The following SOX5 variants were observed in gnomAD, a reference collection of about 807,000 sequenced individuals.
The protein encoded by SOX5 is transcription factor SOX-5.
A neutral mutation model predicts 92.0 loss-of-function variants in SOX5; 9 were observed. That is an observed-to-expected ratio of 0.10 (90% CI 0.06 to 0.17). The LOEUF is 0.17. SOX5 is among the 10% of genes least tolerant of loss of function. The probability of loss-of-function intolerance (pLI) is 1.00; values close to 1 mark genes in which losing one functional copy is unlikely to be tolerated. For missense variants in SOX5, 642 were observed against 944.5 expected, an observed-to-expected ratio of 0.68 and a Z score of 4.20; for synonymous variants, 344 against 336.3, an observed-to-expected ratio of 1.02 and a Z score of -0.25.
At chr12:24,216,485 GA>G (rs535576876) in intron 3 of SOX5, among the ~76,000 whole-genome samples, 5 of 148,966 alleles carry the variant, frequency 3.4e-5, no homozygotes, top group Admixed American at 6.7e-5. Flanking sequence ...CTCCGCCTCG[GA>G]AAAAAAAAAT....
At chr12:23,634,244 C>G (rs369861693) in intron 8 of SOX5, among the ~76,000 whole-genome samples, 1 of 151,804 alleles carries the variant, frequency 6.6e-6, no homozygotes, top group African/African-American at 2.4e-5. Flanking sequence ...CCTTGTGGGG[C>G]GGTACATTTG....
upstream of SOX5, among the ~76,000 whole-genome samples, chr12:23,952,864 G>A (rs1447679565): frequency 6.6e-6 from 1 of 152,020 alleles, no homozygotes; most frequent in Non-Finnish European, 1.5e-5. Context: ...TCATTCAACT[G>A]GTTAGTAGCC....
At chr12:23,846,271 A>G (rs1465556313) in intron 2 of SOX5, 78 bp from the exon 3 acceptor site, 1 of 1,137,956 alleles carries the variant, frequency 8.8e-7, no homozygotes, top group African/African-American at 1.5e-5. Flanking sequence ...TTTACCTGAA[A>G]GAGAAAGCAA....
intron 6 of SOX5, among the ~76,000 whole-genome samples, chr12:23,696,881 T>C (rs773863148): frequency 4.6e-5 from 7 of 152,208 alleles, no homozygotes; most frequent in Non-Finnish European, 8.8e-5. Context: ...TTATTTAGTT[T>C]CCAAATAAAC....
chr12:23,823,077 A>C (rs552862298), intron 3 of SOX5, among the ~76,000 whole-genome samples: 54 of 152,266 alleles, frequency 3.5e-4, no homozygotes, highest in African/African-American at 1.2e-3. Flanking sequence ...CCAATTTGCC[A>C]GTCTGTGCCT....
intron 4 of SOX5, among the ~76,000 whole-genome samples, chr12:24,091,826 A>G (rs1944692071): frequency 6.6e-6 from 1 of 151,876 alleles, no homozygotes; most frequent in Non-Finnish European, 1.5e-5. Flanking sequence ...TTTTCTAACT[A>G]TTCTCTTCCA....
At chr12:23,661,024 G>C (rs933445931) in intron 7 of SOX5, among the ~76,000 whole-genome samples, 1 of 152,026 alleles carries the variant, frequency 6.6e-6, no homozygotes, top group African/African-American at 2.4e-5. Context: ...AAATGTTCTT[G>C]GTAAATATTC....
chr12:24,333,588 A>T (rs1016078922), intron 2 of SOX5, among the ~76,000 whole-genome samples: 3 of 152,034 alleles, frequency 2.0e-5, no homozygotes, highest in African/African-American at 7.2e-5. Flanking sequence ...TCCACTCAAT[A>T]CTTAACAGCA....
At chr12:24,403,911 T>C (rs1322159073) in intron 1 of SOX5, among the ~76,000 whole-genome samples, 2 of 151,612 alleles carry the variant, frequency 1.3e-5, no homozygotes, top group African/African-American at 4.9e-5. Context: ...AATTTTGCCA[T>C]CTGGAATAAA....
At chr12:24,335,951 G>T (rs1158936907) in intron 2 of SOX5, among the ~76,000 whole-genome samples, 2 of 28,848 alleles carry the variant, frequency 6.9e-5, no homozygotes, top group African/African-American at 1.0e-4. Context: ...ATAGTTCCTG[G>T]GTCCAGGCTA....
chr12:24,271,255 CCT>C (rs1488934305), intron 3 of SOX5, among the ~76,000 whole-genome samples: 1 of 152,168 alleles, frequency 6.6e-6, no homozygotes, highest in Non-Finnish European at 1.5e-5. Flanking sequence ...TGTTGTATCT[CCT>C]GGCTACTACT....
chr12:24,135,554 G>C (rs573541140), intron 4 of SOX5, among the ~76,000 whole-genome samples: 1 of 152,254 alleles, frequency 6.6e-6, no homozygotes, highest in South Asian at 2.1e-4. Context: ...GAATAACTAG[G>C]ATTCTCTGCT....
intron 1 of SOX5, among the ~76,000 whole-genome samples, chr12:23,937,267 C>A (rs532668703): frequency 6.6e-6 from 1 of 150,976 alleles, no homozygotes; most frequent in East Asian, 1.9e-4. Context: ...ATAGCTCTTG[C>A]CAACTGGTCT....
At chr12:23,646,095 C>G (rs1236673748) in intron 7 of SOX5, among the ~76,000 whole-genome samples, 34 of 152,124 alleles carry the variant, frequency 2.2e-4, no homozygotes, top group Admixed American at 2.2e-3. Flanking sequence ...AAAGGTCTTG[C>G]CTTGATGTTG....
intron 3 of SOX5, among the ~76,000 whole-genome samples, chr12:23,838,713 G>A (rs1301690977): frequency 1.3e-5 from 2 of 151,942 alleles, no homozygotes; most frequent in Non-Finnish European, 2.9e-5. Flanking sequence ...TCATGTTCAG[G>A]TACAATAGTG....
At chr12:23,767,532 T>A (rs1013057243) in intron 3 of SOX5, among the ~76,000 whole-genome samples, 3 of 152,136 alleles carry the variant, frequency 2.0e-5, no homozygotes, top group Non-Finnish European at 4.4e-5. Context: ...AAATTACAAA[T>A]CCTGGAAAGG....
At chr12:23,708,189 T>C (rs1197488042) in intron 6 of SOX5, among the ~76,000 whole-genome samples, 1 of 151,718 alleles carries the variant, frequency 6.6e-6, no homozygotes, top group Non-Finnish European at 1.5e-5. Context: ...ACTATTTTTT[T>C]TTTTTCTTGG....
intron 5 of SOX5, among the ~76,000 whole-genome samples, chr12:23,737,801 C>T (rs1012984120): frequency 6.6e-6 from 1 of 150,682 alleles, no homozygotes; most frequent in Admixed American, 6.6e-5. Flanking sequence ...ACTTTTCCCT[C>T]TTTCTGGAAT....
intron 7 of SOX5, among the ~76,000 whole-genome samples, chr12:23,643,339 A>G (rs978502556): frequency 2.0e-5 from 3 of 152,168 alleles, no homozygotes; most frequent in Non-Finnish European, 2.9e-5. Context: ...TGGGGCCTAA[A>G]GGGTGTTGTT....
Sources: allele counts gnomAD v4.1 joint callset (sites outside exome capture counted in the v4.1 genomes callset), GRCh38; gene constraint gnomAD v4.1.1; transcripts MANE v1.5; gene names NCBI Gene and HGNC (gene_info 2026-07-23, HGNC 2026-07-21).